Variants in RALYL observed in about 807,000 individuals in gnomAD.
RALYL encodes RNA-binding Raly-like protein.
A neutral mutation model predicts 35.1 loss-of-function variants in RALYL; 29 were observed. The ratio of observed to expected loss-of-function variants is 0.83; its 90% CI spans 0.61 to 1.13. The LOEUF is 1.13. Ranked by LOEUF, RALYL falls within the 50% of genes most tolerant of loss-of-function variation. The pLI is 0.00. For synonymous variants in RALYL, 120 were observed against 127.6 expected (o/e 0.94, Z 0.40); for missense variants, 359 against 360.4 (o/e 1.00, Z 0.03).
At chr8:84,521,834 A>G (rs190894585) in intron 1 of RALYL, among the ~76,000 whole-genome samples, 70 of 152,262 alleles carry the variant, frequency 4.6e-4, no homozygotes, top group African/African-American at 1.2e-3. Context: ...CTACAATTAT[A>G]TATTTATTTT....
intron 2 of RALYL, among the ~76,000 whole-genome samples, chr8:84,621,325 A>AGTGGG (rs1347656571): frequency 6.6e-6 from 1 of 152,172 alleles, no homozygotes; most frequent in African/African-American, 2.4e-5. Context: ...CCCGTCGGAA[A>AGTGGG]AGCGCAGTAT....
At chr8:84,791,813 T>C (rs1458156226) in intron 3 of RALYL, among the ~76,000 whole-genome samples, 1 of 152,236 alleles carries the variant, frequency 6.6e-6, no homozygotes, top group Non-Finnish European at 1.5e-5. Context: ...TTTGTCATAT[T>C]CAGCGATGTG....
At chr8:84,589,998 T>C (rs1261373811) in intron 2 of RALYL, among the ~76,000 whole-genome samples, 2 of 152,236 alleles carry the variant, frequency 1.3e-5, no homozygotes, top group Non-Finnish European at 2.9e-5. Flanking sequence ...TTAGCTCCAA[T>C]AGCCATATAT....
chr8:84,678,757 G>A (rs750693144), intron 2 of RALYL: 2 of 152,406 alleles, frequency 1.3e-5, no homozygotes, highest in East Asian at 1.9e-4. Flanking sequence ...ATAGTAAGGC[G>A]GTGTAATCAC....
At chr8:84,219,413 A>G (rs918227394) in intron 1 of RALYL, among the ~76,000 whole-genome samples, 5 of 152,016 alleles carry the variant, frequency 3.3e-5, no homozygotes, top group Admixed American at 6.6e-5. Flanking sequence ...CTGTGAGTCA[A>G]TTAAATCTTT....
intron 1 of RALYL, among the ~76,000 whole-genome samples, chr8:84,353,577 T>C (rs1041952876): frequency 6.0e-5 from 9 of 150,614 alleles, no homozygotes; most frequent in African/African-American, 2.0e-4. Flanking sequence ...CTTTTAGATA[T>C]GCAAATTTAC....
At chr8:84,918,304 T>G (rs550590103) in intron 8 of RALYL, among the ~76,000 whole-genome samples, 159 of 152,178 alleles carry the variant, frequency 1.0e-3, no homozygotes, top group Non-Finnish European at 1.8e-3. Context: ...ATTTCAAATA[T>G]AGTAATGCAT....
At chr8:84,403,775 A>T (rs1239607907) in intron 1 of RALYL, among the ~76,000 whole-genome samples, 3 of 152,000 alleles carry the variant, frequency 2.0e-5, no homozygotes, top group African/African-American at 7.2e-5. Context: ...TACTTTTGGC[A>T]GTATGGCATT....
intron 2 of RALYL, among the ~76,000 whole-genome samples, chr8:84,624,699 G>C (rs1354979649): frequency 6.6e-6 from 1 of 152,192 alleles, no homozygotes; most frequent in African/African-American, 2.4e-5. Context: ...TTAGGACATG[G>C]ACGTCTTTGG....
chr8:84,264,902 A>G (rs952504543), intron 1 of RALYL, among the ~76,000 whole-genome samples: 5 of 152,226 alleles, frequency 3.3e-5, no homozygotes, highest in African/African-American at 7.2e-5. Flanking sequence ...GGTAATGTCT[A>G]AAATTTAACA....
chr8:84,256,520 G>T (rs1831236316), intron 1 of RALYL, among the ~76,000 whole-genome samples: 1 of 152,026 alleles, frequency 6.6e-6, no homozygotes, highest in Non-Finnish European at 1.5e-5. Flanking sequence ...GAGTAATTTT[G>T]GCACTACTTG....
At chr8:84,881,949 C>T (rs1204229297) in intron 7 of RALYL, among the ~76,000 whole-genome samples, 1 of 151,908 alleles carries the variant, frequency 6.6e-6, no homozygotes, top group Non-Finnish European at 1.5e-5. Context: ...CCAGCTCTTG[C>T]ACTTATTACT....
At chr8:84,537,860 T>G (rs1350478749) in intron 2 of RALYL, among the ~76,000 whole-genome samples, 1 of 152,234 alleles carries the variant, frequency 6.6e-6, no homozygotes, top group South Asian at 2.1e-4. Flanking sequence ...CAGAAATTTC[T>G]TCCAATATTG....
chr8:84,258,497 G>A (rs1367246190), intron 1 of RALYL, among the ~76,000 whole-genome samples: 1 of 151,680 alleles, frequency 6.6e-6, no homozygotes, highest in Non-Finnish European at 1.5e-5. Context: ...TCTCACAAGT[G>A]GCTTCTACAA....
At chr8:84,405,098 C>T (rs2043328112) in intron 1 of RALYL, among the ~76,000 whole-genome samples, 1 of 152,128 alleles carries the variant, frequency 6.6e-6, no homozygotes, top group Non-Finnish European at 1.5e-5. Flanking sequence ...ACTGAACAAC[C>T]TGCTCCTGAA....
chr8:84,507,274 G>A (rs1051127722), intron 1 of RALYL, among the ~76,000 whole-genome samples: 1 of 151,958 alleles, frequency 6.6e-6, no homozygotes, highest in Non-Finnish European at 1.5e-5. Flanking sequence ...CAGGTACACA[G>A]AATTAAATTC....
At chr8:84,687,466 C>T (rs756548570) in intron 2 of RALYL, among the ~76,000 whole-genome samples, 11 of 152,048 alleles carry the variant, frequency 7.2e-5, no homozygotes, top group South Asian at 2.1e-4. Flanking sequence ...TCCTGATAGA[C>T]GTAGGCCTTA....
chr8:84,369,957 A>T (rs1018347843), intron 1 of RALYL, among the ~76,000 whole-genome samples: 2 of 152,140 alleles, frequency 1.3e-5, no homozygotes, highest in East Asian at 1.9e-4. Context: ...GATACTGAAC[A>T]TGCAACACCA....
At chr8:84,721,066 C>A (rs181327627) in intron 2 of RALYL, among the ~76,000 whole-genome samples, 100 of 151,900 alleles carry the variant, frequency 6.6e-4, no homozygotes, top group African/African-American at 2.4e-3. Context: ...TATGAAGATT[C>A]CTTTTGAGAC....
Sources: gnomAD v4.1 joint callset for allele counts (sites outside exome capture counted in the v4.1 genomes callset) on GRCh38, gnomAD v4.1.1 for gene constraint, MANE v1.5 for transcripts, NCBI Gene and HGNC (gene_info 2026-07-23, HGNC 2026-07-21) for gene names.